The following CDC6 variants were observed in gnomAD, a reference collection of about 807,000 sequenced individuals.
CDC6 encodes the protein cell division cycle 6, also known as DNA replication factor CDC6.
CDC6 carries 46 observed loss-of-function variants against 60.2 expected under a neutral mutation model. The ratio of observed to expected loss-of-function variants is 0.76; its 90% CI spans 0.60 to 0.98. The LOEUF is 0.98. Among genes scored for constraint, CDC6 ranks in the 50% least tolerant of loss-of-function variants. CDC6 has a pLI of 0.00. For missense variants in CDC6, 596 were observed against 652.9 expected, an observed-to-expected ratio of 0.91 and a Z score of 0.95; for synonymous variants, 210 against 233.2, an observed-to-expected ratio of 0.90 and a Z score of 0.90.
In CDC6 at chr17:40,303,721, A is replaced by C. The variant is rs1173491396; in HGVS notation, c.*1720A>C. The C allele has an allele frequency of 6.6e-6, 1 of 152,270 alleles. No individual in the cohort carries two copies. The highest frequency in any genetic ancestry group is 1.5e-5 in the Non-Finnish European group (1 of 68,042). The allele number at this position is 152,270 out of a possible 1,614,324, so 9.4% of individuals were successfully genotyped here. ...AGGTTGGAAAGTGTCTGGGACTATAAGGGTTAACATGCATAATTGCAAAGA... is the reference window on the plus strand; with the variant it reads ...AGGTTGGAAAGTGTCTGGGACTATACGGGTTAACATGCATAATTGCAAAGA... On this transcript the variant is annotated 3_prime_UTR_variant, in exon 12 of 12. Transcript: ENST00000209728.
intron 11 of CDC6, 143 bp downstream of exon 11, chr17:40,301,751 A>G (rs1276282271): frequency 1.0e-6 from 1 of 956,404 alleles, no homozygotes; most frequent in Non-Finnish European, 1.7e-6. Context: ...GTGTGTAAAG[A>G]TGGGAGTGTG....
chr17:40,291,476 C>G lies in CDC6; in HGVS notation c.468C>G (p.Cys156Trp). ...CVRLFKQEGTCYQQAKLVLNT... is the reference protein window; with the variant it reads ...CVRLFKQEGTWYQQAKLVLNT... Reference sequence around the variant, plus strand: ...CTTTTATGTCTGGCACAGGCACTTGCTACCAGCAAGCAAAGCTGGTCCTGA... The same window carrying G: ...CTTTTATGTCTGGCACAGGCACTTGGTACCAGCAAGCAAAGCTGGTCCTGA... The change falls in exon 4 of 12, where the codon TGC becomes TGG. Residue 156 changes from cysteine to tryptophan, a missense_variant. By Grantham distance (215) the Cys-to-Trp change is radical (BLOSUM62 -2). Coordinates refer to ENST00000209728, the MANE Select transcript of CDC6 (RefSeq NM_001254.4). The G allele has an allele frequency of 6.2e-7, 1 of 1,614,188 alleles. No homozygotes were observed. The highest frequency in any genetic ancestry group is 8.5e-7 in the Non-Finnish European group (1 of 1,180,018).
At chr17:40,297,946 G>A (rs2032880764) in intron 9 of CDC6, among the ~76,000 whole-genome samples, 2 of 152,138 alleles carry the variant, frequency 1.3e-5, no homozygotes. Flanking sequence ...AATGTAAAAT[G>A]GCCATGAACT....
rs1192661275 is a variant in CDC6 at position 40,303,892 on chromosome 17, CTGTT to C, written c.*1892_*1895del. 2 of 152,260 alleles carry C rather than the reference CTGTT, an allele frequency of 1.3e-5. No individual in the cohort carries two copies. The highest frequency in any genetic ancestry group is 6.5e-5 in the Admixed American group (1 of 15,286). The allele number at this position is 152,260 out of a possible 1,614,324, so 9.4% of individuals were successfully genotyped here. On this transcript the variant is annotated 3_prime_UTR_variant, in exon 12 of 12. Coordinates refer to ENST00000209728, the MANE Select transcript of CDC6 (RefSeq NM_001254.4). ...TTTCCACACTGTGGGCAGCTGCTGT[CTGTT>C]CTGTGTCCACAGTAGGATCCTGCCC...
chr17:40,297,030 A>G (rs1316087241), intron 9 of CDC6, among the ~76,000 whole-genome samples: 1 of 152,208 alleles, frequency 6.6e-6, no homozygotes, highest in Non-Finnish European at 1.5e-5. Context: ...AGCTCTGGAA[A>G]TGAAACTTGT....
At position 40,293,537 on chromosome 17, in the gene CDC6, C is replaced by T. The variant is rs1685346485; in HGVS notation, c.742C>T (p.Gln248Ter). 3.1e-6 allele frequency: 5 copies of T among 1,613,534 alleles called. No individual in the cohort carries two copies. The highest frequency in any genetic ancestry group is 4.2e-6 in the Non-Finnish European group (5 of 1,179,488). The change falls in exon 5 of 12, where the codon CAG (glutamine) becomes TAG (stop). Residue 248 changes from glutamine to a stop codon, truncating the protein, a stop_gained. Transcript: ENST00000209728. LOFTEE classifies it high-confidence loss of function. ...CCAGGCTGTATTCCCAGCTATTGCT[C>T]AGGAGATTTGTCAGGAAGAGGTATC... ...TAQAVFPAIA[Q>*]EICQEEVSRP...
chr17:40,294,335 A>G (rs2032824950), intron 6 of CDC6, 29 bp from the exon 7 acceptor site: 7 of 1,535,836 alleles, frequency 4.6e-6, no homozygotes, highest in Non-Finnish European at 6.3e-6. Flanking sequence ...AATTTGACCA[A>G]TGATCAATGT....
At chr17:40,294,139 T>G in intron 6 of CDC6, 83 bp downstream of exon 6, 1 of 1,166,240 alleles carries the variant, frequency 8.6e-7, no homozygotes. Context: ...TCAGCTATTT[T>G]ATCTTAAACC....
chr17:40,297,785 G>T (rs953780520), intron 9 of CDC6, among the ~76,000 whole-genome samples: 26 of 152,218 alleles, frequency 1.7e-4, no homozygotes, highest in South Asian at 6.2e-4. Flanking sequence ...ATAATAATAA[G>T]AAGAATTATA....
rs1028497554 is a variant in CDC6, at chr17:40,294,602, A to G, written c.1083+99A>G. Reference sequence around the variant, plus strand: ...AAAATATTTTTGCCTTGATTGCTTTATTAATGGAGCAAGGAGTTCCTATGG... The same window carrying G: ...AAAATATTTTTGCCTTGATTGCTTTGTTAATGGAGCAAGGAGTTCCTATGG... On this transcript the variant is annotated intron_variant, in intron 7 of 11. Transcript: ENST00000209728. 3.5e-6 allele frequency: 4 copies of G among 1,135,302 alleles called. No individual in the cohort carries two copies. The African/African-American group carries it at 4.6e-5, about 13-fold the overall frequency. The allele number at this position is 1,135,302 out of a possible 1,614,324, so 70.3% of individuals were successfully genotyped here. A position where few individuals can be genotyped will look rare whatever the true frequency, so the allele number is the denominator to read the frequency against.
Position 40,301,574 on chromosome 17 carries a change from G to C in CDC6, c.1559G>C (p.Gly520Ala). ...SGLLEARGIL[G>A]LKRNKETRLT... is the part of the protein sequence containing the mutation. ...CTCTTGGAAGCCAGGGGCATTTTAG[G>C]ATTAAAGAGAAACAAGGAAACCCGT... Residue 520 changes from glycine to alanine, a missense_variant, in exon 11 of 12, where the codon GGA (glycine) becomes GCA (alanine). Transcript: ENST00000209728. 1 of 1,614,146 alleles carries C rather than the reference G, an allele frequency of 6.2e-7. No homozygotes were observed. The highest frequency in any genetic ancestry group is 8.5e-7 in the Non-Finnish European group (1 of 1,180,002).
rs2032977870 is a variant in CDC6 at position 40,304,657 on chromosome 17, A to C, written c.*2656A>C. On this transcript the variant is annotated 3_prime_UTR_variant, in exon 12 of 12. Transcript: ENST00000209728. ...AAAATAAATTGTGTGTTTCAACCCC[A>C]GAGCTGCCACAGATGTTTCTGGCTC... 6.6e-6 allele frequency: 1 copy of C among 152,306 alleles called. No individual in the cohort carries two copies. Among genetic ancestry groups the C allele is most frequent in the Non-Finnish European group, 1.5e-5 (1 of 68,070 alleles). The allele number at this position is 152,306 out of a possible 1,614,324, so 9.4% of individuals were successfully genotyped here.
chr17:40,292,166 A>C (rs1446466531), intron 4 of CDC6, among the ~76,000 whole-genome samples: 8 of 152,118 alleles, frequency 5.3e-5, no homozygotes, highest in Admixed American at 5.2e-4. Context: ...CCTCCTGGAT[A>C]GCTGGGAATA....
At chr17:40,293,067 C>T (rs1374953095) in intron 4 of CDC6, among the ~76,000 whole-genome samples, 2 of 151,850 alleles carry the variant, frequency 1.3e-5, no homozygotes, top group Non-Finnish European at 2.9e-5. Flanking sequence ...GGCGAAACCC[C>T]ATCTCTACTA....
intron 7 of CDC6, among the ~76,000 whole-genome samples, chr17:40,294,763 C>T (rs1357112447): frequency 6.7e-6 from 1 of 148,572 alleles, no homozygotes; most frequent in Non-Finnish European, 1.5e-5. Context: ...TTGCTCTTAT[C>T]GCCCAGGCTG....
chr17:40,293,486 C>T lies in CDC6; in HGVS notation c.691C>T (p.Leu231=), dbSNP rs11658867. ...KELKGFKTIM[L]NCMSLRTAQA... ...ACTGAAAGGCTTTAAAACTATCATGCTGAATTGCATGTCCTTGAGGACTGC... is the reference window on the plus strand; with the variant it reads ...ACTGAAAGGCTTTAAAACTATCATGTTGAATTGCATGTCCTTGAGGACTGC... Residue 231 remains leucine, a synonymous_variant, in exon 5 of 12, where the codon CTG becomes TTG. Transcript: ENST00000209728. 3 of 1,613,852 alleles carry T rather than the reference C, an allele frequency of 1.9e-6. No homozygotes were observed. The highest frequency in any genetic ancestry group is 1.1e-5 in the South Asian group (1 of 91,082).
At position 40,294,463 on chromosome 17, in the gene CDC6, G is replaced by C. The variant is rs1408156605; in HGVS notation, c.1043G>C (p.Arg348Thr). The C allele has an allele frequency of 3.7e-6, 6 of 1,614,032 alleles. No homozygotes were observed. In the South Asian group the frequency reaches 5.5e-5, roughly 15 times the overall value. Residue 348 changes from arginine to threonine, a missense_variant, in exon 7 of 12, where the codon AGA becomes ACA. Physicochemically the swap from Arg to Thr is moderately conservative, Grantham distance 71. Coordinates refer to ENST00000209728, the MANE Select transcript of CDC6 (RefSeq NM_001254.4). Reference sequence around the variant, plus strand: ...CTGTTGAACTTCCCACCTTATACCAGAAATCAGATAGTCACTATTTTGCAA... The same window carrying C: ...CTGTTGAACTTCCCACCTTATACCACAAATCAGATAGTCACTATTTTGCAA... ...PQLLNFPPYT[R>T]NQIVTILQDR...
intron 4 of CDC6, 138 bp downstream of exon 4, chr17:40,291,806 C>T (rs1421768778): frequency 1.2e-5 from 10 of 853,688 alleles, no homozygotes; most frequent in East Asian, 5.3e-5. Context: ...AGTGCAGTGG[C>T]GCGATCTCGG....
intron 9 of CDC6, among the ~76,000 whole-genome samples, chr17:40,299,136 G>GTTTTTT (rs2032900365): frequency 9.8e-6 from 1 of 101,652 alleles, no homozygotes; most frequent in Admixed American, 9.8e-5. Flanking sequence ...TAAGGCCATA[G>GTTTTTT]TCTTTTTTTT....
Sources: gnomAD v4.1 joint callset for allele counts (sites outside exome capture counted in the v4.1 genomes callset) on GRCh38, gnomAD v4.1.1 for gene constraint, MANE v1.5 for transcripts, NCBI Gene and HGNC (gene_info 2026-07-23, HGNC 2026-07-21) for gene names.